Variants in NCOA2 observed in about 807,000 individuals in gnomAD.
NCOA2 encodes the protein nuclear receptor coactivator 2.
A neutral mutation model predicts 145.1 loss-of-function variants in NCOA2; 21 were observed. The ratio of observed to expected loss-of-function variants is 0.14; its 90% CI spans 0.10 to 0.21. The LOEUF (loss-of-function observed/expected upper bound fraction) is 0.21. NCOA2 is among the 10% of genes least tolerant of loss of function. NCOA2 has a pLI of 1.00. For missense variants in NCOA2, 1,472 were observed against 1,837.6 expected (o/e 0.80, Z 3.64); for synonymous variants, 619 against 637.5 (o/e 0.97, Z 0.44).
Position 70,148,415 on chromosome 8 carries a change from A to G in NCOA2, c.2463T>C (p.Leu821=), listed in dbSNP as rs1319004332. The change falls in exon 12 of 23, where the codon CTT becomes CTC. Residue 821 remains leucine (L), a synonymous_variant. Transcript: ENST00000452400. ...DDLQNSQLPQ[L]FPDTRPGAPA... Reference sequence around the variant, plus strand: ...GGGCGCCTGGCCTCGTGTCTGGGAAAAGCTGTGGTAATTGACTATTCTGCA... The same window carrying G: ...GGGCGCCTGGCCTCGTGTCTGGGAAGAGCTGTGGTAATTGACTATTCTGCA... 3 of 1,613,782 alleles carry G rather than the reference A, an allele frequency of 1.9e-6. No homozygotes were observed. Among genetic ancestry groups the G allele is most frequent in the Non-Finnish European group, 2.5e-6 (3 of 1,179,888 alleles).
intron 3 of NCOA2, among the ~76,000 whole-genome samples, chr8:70,216,175 T>TTATAACCCTACATGGGAAG (rs1419110766): frequency 6.6e-6 from 1 of 152,226 alleles, no homozygotes; most frequent in Non-Finnish European, 1.5e-5. Flanking sequence ...TACATGGGCA[T>TTATAACCCTACATGGGAAG]TATAACAACT....
intron 1 of NCOA2, among the ~76,000 whole-genome samples, chr8:70,331,176 T>A (rs1346757043): frequency 6.6e-6 from 1 of 152,164 alleles, no homozygotes; most frequent in Non-Finnish European, 1.5e-5. Context: ...TACTGGGCTT[T>A]CTCGTACAAT....
At chr8:70,296,521 T>C (rs1256871387) in intron 2 of NCOA2, among the ~76,000 whole-genome samples, 4 of 152,298 alleles carry the variant, frequency 2.6e-5, no homozygotes, top group East Asian at 3.9e-4. Context: ...CAAATAGATA[T>C]AGTAACCACT....
At chr8:70,404,879 A>G (rs926616718), upstream of NCOA2, among the ~76,000 whole-genome samples, 8 of 141,934 alleles carry the variant, frequency 5.6e-5, no homozygotes, top group Non-Finnish European at 9.0e-5. Flanking sequence ...TAATTAGTTG[A>G]AAAAAAAAAC....
chr8:70,159,453 A>G (rs1371008458), intron 10 of NCOA2, 52 bp downstream of exon 10: 3 of 1,459,510 alleles, frequency 2.1e-6, no homozygotes, highest in African/African-American at 2.8e-5. Context: ...TGCTTTTGTA[A>G]TATCTCCTCT....
intron 11 of NCOA2, among the ~76,000 whole-genome samples, chr8:70,150,701 T>G (rs1432915839): frequency 6.6e-6 from 1 of 152,208 alleles, no homozygotes; most frequent in Non-Finnish European, 1.5e-5. Flanking sequence ...TATCATGTTT[T>G]GCTGAATGCA....
intron 1 of NCOA2, among the ~76,000 whole-genome samples, chr8:70,374,777 G>A (rs527837221): frequency 2.0e-5 from 3 of 147,036 alleles, no homozygotes; most frequent in Non-Finnish European, 3.0e-5. Context: ...ACTCTAGACA[G>A]AGAAAGATGC....
intron 10 of NCOA2, among the ~76,000 whole-genome samples, chr8:70,159,171 AT>A (rs958097115): frequency 2.7e-5 from 4 of 146,666 alleles, no homozygotes; most frequent in African/African-American, 1.0e-4. Context: ...ATAATTTCTT[AT>A]ACCTGATACA....
intron 1 of NCOA2, among the ~76,000 whole-genome samples, chr8:70,361,287 G>A (rs997500287): frequency 3.9e-5 from 6 of 152,068 alleles, no homozygotes; most frequent in Non-Finnish European, 5.9e-5. Flanking sequence ...TGGCCAAGGT[G>A]AGCAGATCAA....
At chr8:70,416,797 A>G in the NCOA2 span, among the ~76,000 whole-genome samples, 1 of 152,268 alleles carries the variant, frequency 6.6e-6, no homozygotes, top group East Asian at 1.9e-4. Context: ...TGCCCTTTAT[A>G]ATGAACCACT....
chr8:70,398,104 C>T (rs186053909), intron 1 of NCOA2, among the ~76,000 whole-genome samples: 14 of 152,124 alleles, frequency 9.2e-5, no homozygotes, highest in Admixed American at 2.6e-4. Flanking sequence ...AACGACTAAA[C>T]GATAAAATGA....
At chr8:70,246,201 TA>T (rs2134593706) in intron 2 of NCOA2, among the ~76,000 whole-genome samples, 1 of 152,168 alleles carries the variant, frequency 6.6e-6, no homozygotes, top group African/African-American at 2.4e-5. Flanking sequence ...TAGTAACAAG[TA>T]GAAGCACCAG....
chr8:70,309,702 A>C (rs1264298031), intron 1 of NCOA2, among the ~76,000 whole-genome samples: 1 of 152,054 alleles, frequency 6.6e-6, no homozygotes, highest in African/African-American at 2.4e-5. Flanking sequence ...TGTAATCCCA[A>C]CACTTTGGGA....
At chr8:70,305,554 T>C (rs1411146256) in intron 1 of NCOA2, among the ~76,000 whole-genome samples, 2 of 152,148 alleles carry the variant, frequency 1.3e-5, no homozygotes, top group South Asian at 2.1e-4. Flanking sequence ...AACCCAGGAC[T>C]GCCCGAGCAC....
rs114977943 is a variant in NCOA2, at chr8:70,329,204, C to T, written c.-76-32404G>A. On this transcript the variant is annotated intron_variant, in intron 1 of 22. Coordinates refer to ENST00000452400, the MANE Select transcript of NCOA2 (RefSeq NM_006540.4). ...GGTGCTATCACAGCTCACCGTAGCCCCCAATGTGTTCAAGCAATCCTCCCA... is the reference window on the plus strand; with the variant it reads ...GGTGCTATCACAGCTCACCGTAGCCTCCAATGTGTTCAAGCAATCCTCCCA... 5.9e-3 allele frequency among the ~76,000 whole-genome samples: 901 copies of T among 152,154 alleles called. 5 individuals carry two copies. Among genetic ancestry groups the T allele is most frequent in the African/African-American group, 0.02 (837 of 41,506 alleles).
intron 4 of NCOA2, among the ~76,000 whole-genome samples, chr8:70,208,645 T>G (rs1177908761): frequency 6.6e-6 from 1 of 152,228 alleles, no homozygotes; most frequent in Non-Finnish European, 1.5e-5. Context: ...TCACTTCCCA[T>G]TCTGAAAATT....
intron 1 of NCOA2, among the ~76,000 whole-genome samples, chr8:70,356,222 T>C (rs7812666): frequency 0.29 from 43,631 of 152,098 alleles, 8,600 homozygotes; most frequent in East Asian, 0.57. Flanking sequence ...ACTGGGAAGC[T>C]GAGGTAGGCA....
chr8:70,183,414 C>T (rs1382199210), intron 4 of NCOA2, among the ~76,000 whole-genome samples: 5 of 152,122 alleles, frequency 3.3e-5, no homozygotes, highest in African/African-American at 1.2e-4. Context: ...TGATAAATAG[C>T]TTAAAATATG....
At chr8:70,392,503 T>C (rs774438375) in intron 1 of NCOA2, among the ~76,000 whole-genome samples, 1 of 152,236 alleles carries the variant, frequency 6.6e-6, no homozygotes, top group Non-Finnish European at 1.5e-5. Flanking sequence ...CACAAGTATA[T>C]ATTAATGTGT....
Sources: allele counts gnomAD v4.1 joint callset (sites outside exome capture counted in the v4.1 genomes callset), GRCh38; gene constraint gnomAD v4.1.1; transcripts MANE v1.5; gene names NCBI Gene and HGNC (gene_info 2026-07-23, HGNC 2026-07-21).